FAAH2: variants seen among roughly 807,000 people sequenced by gnomAD.
FAAH2 encodes the protein fatty acid amide hydrolase 2, also known as fatty-acid amide hydrolase 2.
In FAAH2, 60 loss-of-function variants were observed where a neutral mutation model predicts 36.9. The ratio of observed to expected loss-of-function variants is 1.63; its 90% CI spans 1.32 to 2.02. The LOEUF is 2.02. FAAH2 is among the 30% of genes most tolerant of loss of function. The pLI is 0.00. For missense variants in FAAH2, 689 were observed against 397.5 expected (o/e 1.73, Z -6.23); for synonymous variants, 214 against 143.8 (o/e 1.49, Z -3.49).
chrX:57,448,813 T>G, intron 10 of FAAH2, 95 bp downstream of exon 10: 1 of 870,531 alleles, frequency 1.1e-6, no homozygotes, highest in Non-Finnish European at 1.6e-6. Context: ...TTGGACAAGT[T>G]TTAAACATGC....
chrX:57,481,265 A>C (rs945248512), intron 10 of FAAH2, among the ~76,000 whole-genome samples: 3 of 110,693 alleles, frequency 2.7e-5, no homozygotes, highest in African/African-American at 9.9e-5. Flanking sequence ...CTCATTCTCT[A>C]TCCAGTTTTG....
chrX:57,254,895 G>T, the FAAH2 span, among the ~76,000 whole-genome samples: 12 of 110,813 alleles, frequency 1.1e-4, no homozygotes, highest in Non-Finnish European at 2.3e-4. Flanking sequence ...AAATTCAAAA[G>T]CTAGAAGACA....
intron 7 of FAAH2, among the ~76,000 whole-genome samples, chrX:57,399,498 T>C (rs2055382337): frequency 9.0e-6 from 1 of 111,729 alleles, no homozygotes; most frequent in African/African-American, 3.3e-5. Context: ...TGGGGCTTGG[T>C]TTTCTGGAGG....
chrX:57,205,790 G>A, the FAAH2 span, among the ~76,000 whole-genome samples: 229 of 112,015 alleles, frequency 2.0e-3, 1 homozygote, highest in Non-Finnish European at 2.1e-3. Context: ...AATGATTATC[G>A]AGAATACCCA....
At chrX:57,401,504 G>A (rs1037571582) in intron 7 of FAAH2, among the ~76,000 whole-genome samples, 1 of 111,522 alleles carries the variant, frequency 9.0e-6, no homozygotes, top group South Asian at 3.8e-4. Flanking sequence ...GAGGGACAAC[G>A]GCCTCATTGA....
At chrX:57,156,051 C>A in the FAAH2 span, among the ~76,000 whole-genome samples, 9 of 111,884 alleles carry the variant, frequency 8.0e-5, no homozygotes, top group African/African-American at 2.9e-4. Flanking sequence ...CTTGCAGGAG[C>A]AATTCACTTC....
chrX:57,374,873 G>T (rs753255859), intron 5 of FAAH2, among the ~76,000 whole-genome samples: 3 of 111,264 alleles, frequency 2.7e-5, no homozygotes, highest in Non-Finnish European at 5.7e-5. Context: ...ATTACACTGA[G>T]GTATGTCCCT....
chrX:57,225,409 TC>T, the FAAH2 span, among the ~76,000 whole-genome samples: 1 of 112,256 alleles, frequency 8.9e-6, no homozygotes, highest in Admixed American at 9.4e-5. Context: ...CAATGCTCAT[TC>T]AGGAGCAGGT....
intron 5 of FAAH2, among the ~76,000 whole-genome samples, chrX:57,347,697 G>C (rs1365258225): frequency 9.7e-6 from 1 of 103,105 alleles, no homozygotes; most frequent in Non-Finnish European, 1.9e-5. Flanking sequence ...CTCTGAGGGG[G>C]CTGGTGTTCC....
At chrX:57,372,838 A>G (rs930777601) in intron 5 of FAAH2, among the ~76,000 whole-genome samples, 1 of 110,435 alleles carries the variant, frequency 9.1e-6, no homozygotes, top group African/African-American at 3.3e-5. Context: ...AGCAGTATAC[A>G]CTGTACCCAG....
the FAAH2 span, among the ~76,000 whole-genome samples, chrX:57,189,093 CT>C: frequency 9.0e-6 from 1 of 110,645 alleles, no homozygotes; most frequent in African/African-American, 3.3e-5. Context: ...CCTTTTAACT[CT>C]TTTTTCTCTA....
chrX:57,394,789 G>A lies in FAAH2; in HGVS notation c.996+13760G>A, dbSNP rs2055253647. 4 of 990,405 alleles carry A rather than the reference G, an allele frequency of 4.0e-6. No homozygotes were observed. In the African/African-American group the frequency reaches 5.7e-5, roughly 14 times the overall value. The allele number at this position is 990,405 out of a possible 1,213,427, so 81.6% of individuals were successfully genotyped here. ...GCCGACCAGTTGCAACCACCAGGAT[G>A]TCGCCTTTATTTACCTCCTCATCCA... is the stretch of plus-strand genomic sequence containing the variant. On this transcript the variant is annotated intron_variant, in intron 7 of 10. Coordinates refer to ENST00000374900, the MANE Select transcript of FAAH2 (RefSeq NM_174912.4).
At chrX:57,205,835 A>T in the FAAH2 span, among the ~76,000 whole-genome samples, 3 of 112,339 alleles carry the variant, frequency 2.7e-5, no homozygotes, top group Non-Finnish European at 5.6e-5. Context: ...AAATAAGAGT[A>T]TTTATAAAAG....
the FAAH2 span, among the ~76,000 whole-genome samples, chrX:57,234,806 G>A: frequency 8.9e-5 from 10 of 111,863 alleles, no homozygotes; most frequent in Non-Finnish European, 1.9e-4. Context: ...CCAGCATTTG[G>A]GAGGCTGAGG....
the FAAH2 span, among the ~76,000 whole-genome samples, chrX:57,195,901 A>G: frequency 8.9e-6 from 1 of 112,201 alleles, no homozygotes; most frequent in South Asian, 3.7e-4. Flanking sequence ...GTTGAAGATC[A>G]GTTGGCTGTA....
the FAAH2 span, among the ~76,000 whole-genome samples, chrX:57,144,144 T>C: frequency 1.8e-5 from 2 of 112,148 alleles, no homozygotes; most frequent in African/African-American, 6.5e-5. Context: ...TGTTCTTTAC[T>C]GGCTTGCAAG....
intron 7 of FAAH2, among the ~76,000 whole-genome samples, chrX:57,405,951 T>A (rs1196756039): frequency 1.8e-5 from 2 of 108,969 alleles, no homozygotes; most frequent in Non-Finnish European, 3.8e-5. Flanking sequence ...CATTTCAAAG[T>A]GTTCATTTTG....
intron 2 of FAAH2, among the ~76,000 whole-genome samples, chrX:57,302,246 G>A (rs1048091919): frequency 7.2e-5 from 8 of 111,687 alleles, no homozygotes; most frequent in Non-Finnish European, 1.5e-4. Context: ...CATGAACTTA[G>A]GCATGTTTTT....
chrX:57,466,156 C>CTCTCTCTCTCTCTATA (rs1287266105), intron 10 of FAAH2, among the ~76,000 whole-genome samples: 17 of 66,392 alleles, frequency 2.6e-4, no homozygotes, highest in African/African-American at 1.0e-3. Context: ...CTCTCTCTCT[C>CTCTCTCTCTCTCTATA]TATATATATA....
Sources: allele counts gnomAD v4.1 joint callset (sites outside exome capture counted in the v4.1 genomes callset), GRCh38; gene constraint gnomAD v4.1.1; transcripts MANE v1.5; gene names NCBI Gene and HGNC (gene_info 2026-07-23, HGNC 2026-07-21).